Variants in ADGRD1 observed in about 807,000 individuals in gnomAD.
The protein encoded by ADGRD1 is adhesion G protein-coupled receptor D1, also known as G-protein coupled receptor 133.
ADGRD1 carries 77 observed loss-of-function variants against 113.4 expected under a neutral mutation model. That is an observed-to-expected ratio of 0.68 (90% CI 0.57 to 0.82). ADGRD1 has a LOEUF of 0.82. Ranked by LOEUF, ADGRD1 falls within the 40% of genes least tolerant of loss-of-function variation. The pLI is 0.00. For synonymous variants in ADGRD1, 474 were observed against 475.0 expected (o/e 1.00, Z 0.03); for missense variants, 1,036 against 1,139.1 (o/e 0.91, Z 1.30).
chr12:131,101,949 A>T (rs1950098249), intron 15 of ADGRD1, among the ~76,000 whole-genome samples: 1 of 152,204 alleles, frequency 6.6e-6, no homozygotes, highest in Non-Finnish European at 1.5e-5. Flanking sequence ...CTTAAACCAC[A>T]TCTCTATTGC....
chr12:131,107,500 TG>T (rs1950261154), intron 17 of ADGRD1, among the ~76,000 whole-genome samples: 2 of 151,368 alleles, frequency 1.3e-5, no homozygotes, highest in Admixed American at 6.6e-5. Flanking sequence ...GACCCGTGTC[TG>T]AATCCCAGGG....
chr12:131,127,792 TG>T, intron 20 of ADGRD1, among the ~76,000 whole-genome samples: 1 of 138,584 alleles, frequency 7.2e-6, no homozygotes, highest in African/African-American at 2.8e-5. Flanking sequence ...TTGGTTGTGA[TG>T]GGACCCTGAG....
At position 131,096,906 on chromosome 12, in the gene ADGRD1, G is replaced by A. The variant is rs983654241; in HGVS notation, c.1672-7925G>A. On this transcript the variant is annotated intron_variant, in intron 15 of 24. Transcript: ENST00000261654. The surrounding 1 kb of genome is among the most constrained non-coding windows in gnomAD (Gnocchi z 5.2). ...GGCCGACCACTGTGCTGAGTTGCAG[G>A]TCTGTCACTTGGGGCAGGTGATGGG... is the stretch of plus-strand genomic sequence containing the variant. 1.3e-5 allele frequency among the ~76,000 whole-genome samples: 2 copies of A among 152,186 alleles called. No homozygotes were observed. Among genetic ancestry groups the A allele is most frequent in the African/African-American group, 4.8e-5 (2 of 41,442 alleles).
At chr12:130,958,901 G>A (rs1280181615) in intron 2 of ADGRD1, among the ~76,000 whole-genome samples, 2 of 152,196 alleles carry the variant, frequency 1.3e-5, no homozygotes, top group East Asian at 3.9e-4. Flanking sequence ...TCACGCCCTC[G>A]CACCGCGGGT....
intron 2 of ADGRD1, among the ~76,000 whole-genome samples, chr12:130,958,537 GGC>G (rs1869957159): frequency 1.3e-5 from 2 of 152,044 alleles, no homozygotes; most frequent in African/African-American, 4.8e-5. Flanking sequence ...CGACATCTCA[GGC>G]TCTGCTCACC....
chr12:131,061,044 C>T (rs1593141986), intron 13 of ADGRD1, among the ~76,000 whole-genome samples: 1 of 152,124 alleles, frequency 6.6e-6, no homozygotes, highest in Admixed American at 6.5e-5. Context: ...TCATGCAGGG[C>T]GTCATATTCT....
chr12:131,091,065 C>T (rs547719835), intron 15 of ADGRD1, among the ~76,000 whole-genome samples: 17 of 152,266 alleles, frequency 1.1e-4, no homozygotes, highest in African/African-American at 4.1e-4. Context: ...CCACCCTTCA[C>T]CACCCCAACT....
intron 15 of ADGRD1, among the ~76,000 whole-genome samples, chr12:131,099,143 AC>A (rs1566108290): frequency 6.6e-6 from 1 of 152,082 alleles, no homozygotes; most frequent in African/African-American, 2.4e-5. Context: ...AAGACAGTCG[AC>A]CTGTCTTCAT....
At chr12:131,119,712 G>A (rs1452100841) in intron 19 of ADGRD1, among the ~76,000 whole-genome samples, 1 of 152,198 alleles carries the variant, frequency 6.6e-6, no homozygotes, top group African/African-American at 2.4e-5. Context: ...CCTACTCTCC[G>A]GAGAGCCTGG....
intron 13 of ADGRD1, among the ~76,000 whole-genome samples, chr12:131,046,751 C>A (rs1336172637): frequency 7.1e-6 from 1 of 141,324 alleles, no homozygotes; most frequent in Admixed American, 7.0e-5. Context: ...TGGGCAGTGT[C>A]CTCCCTGGTC....
chr12:130,982,011 G>A lies in ADGRD1; in HGVS notation c.438G>A (p.Glu146=). The A allele has an allele frequency of 6.2e-7, 1 of 1,614,032 alleles. No homozygotes were observed. Among genetic ancestry groups the A allele is most frequent in the Admixed American group, 1.7e-5 (1 of 60,020 alleles). Residue 146 remains glutamate, a synonymous_variant, in exon 5 of 25, where the codon GAG becomes GAA. Transcript: ENST00000261654. The part of the protein sequence containing the change: ...VCSSGGRGSV[E]LYTRDNSMTW... ...CCAGCGGTGGCAGAGGCTCTGTGGAGCTGTATACGCGGGACAATTCCATGA... is the reference window on the plus strand; with the variant it reads ...CCAGCGGTGGCAGAGGCTCTGTGGAACTGTATACGCGGGACAATTCCATGA...
At chr12:131,049,088 C>T (rs983721857) in intron 13 of ADGRD1, among the ~76,000 whole-genome samples, 3 of 152,328 alleles carry the variant, frequency 2.0e-5, no homozygotes, top group Non-Finnish European at 2.9e-5. Flanking sequence ...ATATGCTGTA[C>T]GTCACGAGCA....
intron 12 of ADGRD1, among the ~76,000 whole-genome samples, chr12:131,012,026 G>A (rs939988208): frequency 1.3e-5 from 2 of 152,174 alleles, no homozygotes; most frequent in Non-Finnish European, 2.9e-5. Flanking sequence ...CTGAGCCCAC[G>A]CATGCCCAGT....
At position 130,976,550 on chromosome 12, in the gene ADGRD1, G is replaced by A. The variant is rs561380688; in HGVS notation, c.310+4970G>A. Among the ~76,000 whole-genome samples, 47 of 152,236 alleles carry A rather than the reference G, an allele frequency of 3.1e-4. 1 individual carries two copies. The highest frequency in any genetic ancestry group is 6.8e-3 in the Middle Eastern group (2 of 294). The stretch of plus-strand genomic sequence containing the variant: ...CGCAACTCATGTGATACCACATCCC[G>A]GAATCCGCGGCTGACTATACGTGCT... On this transcript the variant is annotated intron_variant, in intron 4 of 24. Coordinates refer to ENST00000261654, the MANE Select transcript of ADGRD1 (RefSeq NM_198827.5).
rs983125109 is a variant in ADGRD1, at chr12:131,060,998, C to T, written c.1474-15803C>T. Among the ~76,000 whole-genome samples, 36 of 152,098 alleles carry T rather than the reference C, an allele frequency of 2.4e-4. No individual in the cohort carries two copies. Among genetic ancestry groups the T allele is most frequent in the Admixed American group, 8.5e-4 (13 of 15,284 alleles). The stretch of plus-strand genomic sequence containing the variant: ...TTACGTAACACTGTTCAGACCTGGA[C>T]ACCCGTGAGACTCATCCCTGTGAAT... On this transcript the variant is annotated intron_variant, in intron 13 of 24. Transcript: ENST00000261654. The surrounding 1 kb of genome is among the most constrained non-coding windows in gnomAD (Gnocchi z 4.4).
intron 13 of ADGRD1, among the ~76,000 whole-genome samples, chr12:131,016,763 C>G (rs577376625): frequency 2.0e-5 from 3 of 152,124 alleles, no homozygotes; most frequent in Non-Finnish European, 4.4e-5. Flanking sequence ...CATGGTGGCC[C>G]GAGCCTGTAA....
intron 17 of ADGRD1, among the ~76,000 whole-genome samples, chr12:131,106,342 G>A (rs143634527): frequency 6.6e-6 from 1 of 152,318 alleles, no homozygotes; most frequent in Non-Finnish European, 1.5e-5. Flanking sequence ...AAGCAGACCT[G>A]CAGACCTAGA....
At chr12:131,051,938 G>A (rs142778913) in intron 13 of ADGRD1, among the ~76,000 whole-genome samples, 43 of 152,314 alleles carry the variant, frequency 2.8e-4, no homozygotes, top group African/African-American at 1.0e-3. Context: ...GATCAAGTTT[G>A]CTTCAAAGGA....
rs1950397728 is a variant in ADGRD1, at chr12:131,113,738, A to G, written c.2042-4647A>G. ...CGTCCTCCGTCCTGCCTCACTGCTC[A>G]TGCTGTATCATCACGAGGATGCTTT... On this transcript the variant is annotated intron_variant, in intron 18 of 24. Transcript: ENST00000261654. The surrounding 1 kb of genome is among the most constrained non-coding windows in gnomAD (Gnocchi z 4.9). Among the ~76,000 whole-genome samples the G allele has an allele frequency of 6.6e-6, 1 of 152,130 alleles. No homozygotes were observed. Among genetic ancestry groups the G allele is most frequent in the Non-Finnish European group, 1.5e-5 (1 of 68,022 alleles).
Sources: allele counts gnomAD v4.1 joint callset (sites outside exome capture counted in the v4.1 genomes callset), GRCh38; gene constraint gnomAD v4.1.1; non-coding constraint Gnocchi (gnomAD v3.1); transcripts MANE v1.5; gene names NCBI Gene and HGNC (gene_info 2026-07-23, HGNC 2026-07-21).